Variants in LYST observed in about 807,000 individuals in gnomAD.
LYST encodes the protein lysosomal trafficking regulator, also known as lysosomal-trafficking regulator.
LYST carries 192 observed loss-of-function variants against 413.6 expected under a neutral mutation model. That is an observed-to-expected ratio of 0.46 (90% CI 0.41 to 0.52). The LOEUF is 0.52. Among genes scored for constraint, LYST ranks in the 20% least tolerant of loss-of-function variants. LYST has a pLI of 0.00. For missense variants in LYST, 3,815 were observed against 4,499.9 expected, an observed-to-expected ratio of 0.85 and a Z score of 4.35; for synonymous variants, 1,525 against 1,567.3, an observed-to-expected ratio of 0.97 and a Z score of 0.64.
chr1:235,831,160 G>C (rs1293329249), intron 2 of LYST, among the ~76,000 whole-genome samples: 2 of 152,120 alleles, frequency 1.3e-5, no homozygotes, highest in Non-Finnish European at 2.9e-5. Flanking sequence ...ACCTTTAAAA[G>C]ATATTTAACA....
At chr1:235,846,221 C>T (rs1249101163) in intron 1 of LYST, among the ~76,000 whole-genome samples, 1 of 152,126 alleles carries the variant, frequency 6.6e-6, no homozygotes, top group Non-Finnish European at 1.5e-5. Flanking sequence ...ACCCCCAGTA[C>T]CGGCCTGGAG....
intron 4 of LYST, among the ~76,000 whole-genome samples, chr1:235,812,109 C>T (rs1673510302): frequency 6.6e-6 from 1 of 152,070 alleles, no homozygotes; most frequent in Non-Finnish European, 1.5e-5. Context: ...TTTAAAGTTT[C>T]ATGTACTTTA....
chr1:235,827,037 C>G (rs999734558), intron 3 of LYST, among the ~76,000 whole-genome samples: 2 of 151,986 alleles, frequency 1.3e-5, no homozygotes, highest in African/African-American at 2.4e-5. Flanking sequence ...AATTATACCT[C>G]AATAAAAAGT....
Position 235,685,770 on chromosome 1 carries a change from C to T in LYST, c.10800+1179G>A, listed in dbSNP as rs576405814. On this transcript the variant is annotated intron_variant, in intron 48 of 52. Transcript: ENST00000389793. The stretch of plus-strand genomic sequence containing the variant: ...CTGAGGCAGAAGAATTGCTTGAACC[C>T]GGGAGGCAGAGATTGCATTGAGCCA... Among the ~76,000 whole-genome samples the T allele has an allele frequency of 4.0e-5, 6 of 151,102 alleles. No individual in the cohort carries two copies. In the South Asian group the frequency reaches 1.3e-3, roughly 32 times the overall value.
intron 44 of LYST, among the ~76,000 whole-genome samples, chr1:235,704,351 G>A (rs1241732896): frequency 6.6e-6 from 1 of 152,150 alleles, no homozygotes; most frequent in Non-Finnish European, 1.5e-5. Context: ...CACAGTGGTT[G>A]AACTAATTTA....
intron 29 of LYST, among the ~76,000 whole-genome samples, chr1:235,746,054 G>A (rs1037064991): frequency 6.6e-6 from 1 of 152,128 alleles, no homozygotes; most frequent in South Asian, 2.1e-4. Flanking sequence ...GTCTCTCTCT[G>A]TATTATTCCT....
chr1:235,824,447 TC>T (rs1675105794), intron 3 of LYST, among the ~76,000 whole-genome samples: 1 of 152,206 alleles, frequency 6.6e-6, no homozygotes, highest in Non-Finnish European at 1.5e-5. Context: ...ATCCCTTAAG[TC>T]ATCCAGCTGA....
chr1:235,719,349 A>C (rs1663134806), intron 40 of LYST, among the ~76,000 whole-genome samples: 1 of 152,272 alleles, frequency 6.6e-6, no homozygotes, highest in South Asian at 2.1e-4. Flanking sequence ...AGACCATATT[A>C]GTTTCCTCGC....
Position 235,662,953 on chromosome 1 carries a change from T to TTCGC in LYST, c.11392_11393insGCGA (p.Tyr3798CysfsTer22). The TTCGC allele has an allele frequency of 6.3e-7, 1 of 1,581,070 alleles. No individual in the cohort carries two copies. Among genetic ancestry groups the TTCGC allele is most frequent in the Non-Finnish European group, 8.7e-7 (1 of 1,149,938 alleles). On this transcript the variant is annotated frameshift_variant, in exon 53 of 53. Coordinates refer to ENST00000389793, the MANE Select transcript of LYST (RefSeq NM_000081.4). LOFTEE classifies it high-confidence loss of function. ...GTTCATTCGCATTCACCCGGCTGCA[T>TTCGC]AGCTGCTAAGGAAGGAATAGAACAT...
Position 235,775,065 on chromosome 1 carries a change from C to T in LYST, c.5482G>A (p.Glu1828Lys), listed in dbSNP as rs1291398273. The T allele has an allele frequency of 1.2e-6, 2 of 1,611,078 alleles. No individual in the cohort carries two copies. Among genetic ancestry groups the T allele is most frequent in the Middle Eastern group, 1.7e-4 (1 of 5,992 alleles). The part of the protein sequence containing the change: ...FARVVELSSC[E>K]ETQALALRVI... ...CGCAGTGCTAATGCTTGAGTTTCTT[C>T]ACAGCTACTGAGTTCAACAACCTAA... The change falls in exon 18 of 53, where the codon GAA becomes AAA. Residue 1828 changes from glutamate to lysine, a missense_variant. Around this residue, in one of 4 missense-constraint regions of LYST, gnomAD observed 530 missense variants for 696.5 expected, o/e 0.76. Coordinates refer to ENST00000389793, the MANE Select transcript of LYST (RefSeq NM_000081.4).
upstream of LYST, among the ~76,000 whole-genome samples, chr1:235,870,019 G>A (rs915125446): frequency 1.3e-5 from 2 of 152,018 alleles, no homozygotes; most frequent in Non-Finnish European, 2.9e-5. Flanking sequence ...CTCTCAATGA[G>A]GTCTACCCTT....
chr1:235,676,526 G>T (rs1052124373), intron 50 of LYST, among the ~76,000 whole-genome samples: 3 of 152,222 alleles, frequency 2.0e-5, no homozygotes, highest in African/African-American at 4.8e-5. Context: ...TCTAAGGAAA[G>T]TAACTGTGGA....
At chr1:235,830,111 T>C in intron 3 of LYST, 115 bp downstream of exon 3, 1 of 754,302 alleles carries the variant, frequency 1.3e-6, no homozygotes, top group Non-Finnish European at 2.3e-6. Context: ...TGGAATAATG[T>C]GAAAGACTGG....
Position 235,846,996 on chromosome 1 carries a change from C to T in LYST, c.-97-13329G>A, listed in dbSNP as rs1419872140. Reference sequence around the variant, plus strand: ...AAAACTTCCCTGGCCTTGCTAGAGACGTAGACATCCAAATACAGAAGCATA... The same window carrying T: ...AAAACTTCCCTGGCCTTGCTAGAGATGTAGACATCCAAATACAGAAGCATA... On this transcript the variant is annotated intron_variant, in intron 1 of 52. Transcript: ENST00000389793. 1.3e-5 allele frequency among the ~76,000 whole-genome samples: 2 copies of T among 152,052 alleles called. 1 individual carries two copies. The highest frequency in any genetic ancestry group is 6.3e-3 in the Middle Eastern group (2 of 316).
At chr1:235,882,966 C>T (rs1400860382) in intron 1 of LYST, among the ~76,000 whole-genome samples, 1 of 152,174 alleles carries the variant, frequency 6.6e-6, no homozygotes, top group Non-Finnish European at 1.5e-5. Context: ...TATTCTCCCT[C>T]CTCAAATACT....
chr1:235,747,464 T>C (rs917436992), intron 28 of LYST: 1 of 210,460 alleles, frequency 4.8e-6, no homozygotes, highest in Non-Finnish European at 1.0e-5. Context: ...AATGCTATTT[T>C]AGATTGCTCA....
At chr1:235,848,777 A>G (rs1327233357) in intron 1 of LYST, among the ~76,000 whole-genome samples, 1 of 152,160 alleles carries the variant, frequency 6.6e-6, no homozygotes, top group African/African-American at 2.4e-5. Context: ...GAAAGTCTAG[A>G]AGAGATGGAT....
intron 12 of LYST, among the ~76,000 whole-genome samples, chr1:235,790,912 A>T (rs1433912937): frequency 6.6e-6 from 1 of 152,100 alleles, no homozygotes; most frequent in East Asian, 1.9e-4. Context: ...ATGGCATGAG[A>T]AGGAGAACTT....
chr1:235,709,973 C>T (rs1025705032), intron 43 of LYST, among the ~76,000 whole-genome samples: 3 of 151,990 alleles, frequency 2.0e-5, no homozygotes, highest in Non-Finnish European at 4.4e-5. Context: ...TCAGTATAAA[C>T]AAAAATCTCA....
Sources: gnomAD v4.1 joint callset for allele counts (sites outside exome capture counted in the v4.1 genomes callset) on GRCh38, gnomAD v4.1.1 for gene constraint, gnomAD v4.1.1 regional missense constraint, MANE v1.5 for transcripts, NCBI Gene and HGNC (gene_info 2026-07-23, HGNC 2026-07-21) for gene names.